The following USPL1 variants were observed in gnomAD, a reference collection of about 807,000 sequenced individuals.
USPL1 encodes the protein SUMO-specific isopeptidase USPL1.
In USPL1, 27 loss-of-function variants were observed where a neutral mutation model predicts 51.5. The observed-to-expected ratio is 0.52, with a 90% CI of 0.39 to 0.72. The LOEUF (loss-of-function observed/expected upper bound fraction) is 0.72. Ranked by LOEUF, USPL1 falls within the 30% of genes least tolerant of loss-of-function variation. The pLI is 0.00. For missense variants in USPL1, 1,226 were observed against 1,268.0 expected (o/e 0.97, Z 0.50); for synonymous variants, 451 against 459.6 (o/e 0.98, Z 0.24).
Position 30,658,025 on chromosome 13 carries a change from G to T in USPL1, c.1948G>T (p.Val650Leu). 6.2e-7 allele frequency: 1 copy of T among 1,613,168 alleles called. No homozygotes were observed. The highest frequency in any genetic ancestry group is 8.5e-7 in the Non-Finnish European group (1 of 1,179,916). The change falls in exon 9 of 9, where the codon GTG (valine) becomes TTG (leucine). Residue 650 changes from valine (V) to leucine (L), a missense_variant. Coordinates refer to ENST00000255304, the MANE Select transcript of USPL1 (RefSeq NM_005800.5). ...CNEKLIQDQF[V>L]DISFPSQVVN... ...TGAAAAGCTTATTCAAGACCAATTT[G>T]TGGACATAAGTTTTCCATCCCAAGT...
chr13:30,640,275 T>A (rs1055245418), intron 5 of USPL1, among the ~76,000 whole-genome samples: 1 of 152,196 alleles, frequency 6.6e-6, no homozygotes, highest in African/African-American at 2.4e-5. Context: ...GAATACGGAT[T>A]TAAAGGCTGA....
intron 3 of USPL1, among the ~76,000 whole-genome samples, chr13:30,627,591 G>A (rs1484482852): frequency 6.6e-6 from 1 of 151,434 alleles, no homozygotes; most frequent in Non-Finnish European, 1.5e-5. Flanking sequence ...AAGTAGAGGT[G>A]TAAGTAGGAT....
chr13:30,621,100 T>C lies in USPL1; in HGVS notation c.-41T>C. ...TTCATTGAAAAAATCCTTAGTGATA[T>C]TGACATGTCTCAAGTGACATAAATT... On this transcript the variant is annotated 5_prime_UTR_variant, in exon 2 of 9. Coordinates refer to ENST00000255304, the MANE Select transcript of USPL1 (RefSeq NM_005800.5). 1.3e-6 allele frequency: 2 copies of C among 1,525,456 alleles called. No individual in the cohort carries two copies. Among genetic ancestry groups the C allele is most frequent in the Non-Finnish European group, 1.8e-6 (2 of 1,116,280 alleles). The allele number at this position is 1,525,456 out of a possible 1,614,324, so 94.5% of individuals were successfully genotyped here. A position where few individuals can be genotyped will look rare whatever the true frequency, so the allele number is the denominator to read the frequency against.
In USPL1 at chr13:30,658,289, A is replaced by G. The variant is rs1951197037; in HGVS notation, c.2212A>G (p.Thr738Ala). The change falls in exon 9 of 9, where the codon ACA becomes GCA. Residue 738 changes from threonine to alanine, a missense_variant. Thr to Ala is a moderately conservative substitution (Grantham distance 58, BLOSUM62 0). Transcript: ENST00000255304. ...AACTACAGCAGATTCTCAAACCACA[A>G]CATCTAAGTCATTACAGAATCAGTC... ...KETTADSQTT[T>A]SKSLQNQSLK... is the part of the protein sequence containing the mutation. 6.2e-7 allele frequency: 1 copy of G among 1,613,924 alleles called. No individual in the cohort carries two copies. Among genetic ancestry groups the G allele is most frequent in the South Asian group, 1.1e-5 (1 of 91,000 alleles).
intron 4 of USPL1, among the ~76,000 whole-genome samples, chr13:30,633,825 T>C (rs1950840036): frequency 6.7e-6 from 1 of 148,910 alleles, no homozygotes; most frequent in African/African-American, 2.5e-5. Context: ...TAAATGTGGC[T>C]CAACATGTTG....
intron 7 of USPL1, among the ~76,000 whole-genome samples, chr13:30,648,717 G>T (rs1951049736): frequency 6.6e-6 from 1 of 151,802 alleles, no homozygotes; most frequent in Admixed American, 6.6e-5. Flanking sequence ...TATCTTTTTT[G>T]CCCCTCACTA....
At chr13:30,640,527 T>C (rs1950932928) in intron 5 of USPL1, among the ~76,000 whole-genome samples, 1 of 152,004 alleles carries the variant, frequency 6.6e-6, no homozygotes. Context: ...CTGTCTCTAC[T>C]AAAAATACAA....
chr13:30,623,580 T>C (rs572335400), intron 3 of USPL1, among the ~76,000 whole-genome samples: 14 of 150,784 alleles, frequency 9.3e-5, no homozygotes, highest in African/African-American at 3.4e-4. Context: ...ATTTCCTGAA[T>C]GATAAGAGTG....
intron 6 of USPL1, among the ~76,000 whole-genome samples, chr13:30,646,047 C>CT (rs1951013738): frequency 6.6e-6 from 1 of 152,148 alleles, no homozygotes; most frequent in Non-Finnish European, 1.5e-5. Flanking sequence ...TTGTTGATAT[C>CT]TTTATGTTGC....
Position 30,631,002 on chromosome 13 carries a change from C to A in USPL1, c.396C>A (p.Asp132Glu). 1.9e-6 allele frequency: 3 copies of A among 1,613,962 alleles called. No individual in the cohort carries two copies. Among genetic ancestry groups the A allele is most frequent in the Non-Finnish European group, 2.5e-6 (3 of 1,180,018 alleles). The stretch of plus-strand genomic sequence containing the variant: ...AGACTAGAAATTATATTGCTATTGA[C>A]GGTGGAAAAGTTTTGAACAGCAAAC... ...SKKTRNYIAI[D>E]GGKVLNSKHN... The change falls in exon 4 of 9, where the codon GAC (aspartate) becomes GAA (glutamate). Residue 132 changes from aspartate (D) to glutamate (E), a missense_variant. Asp to Glu is a conservative substitution (Grantham distance 45, BLOSUM62 2). Transcript: ENST00000255304.
chr13:30,658,241 G>T lies in USPL1; in HGVS notation c.2164G>T (p.Val722Leu). ...QLKPERVTSQVSNLKKKETTA... is the reference protein window; with the variant it reads ...QLKPERVTSQLSNLKKKETTA... ...AAAACCAGAACGTGTCACATCTCAG[G>T]TATCTAATTTGAAGAAAAAAGAAAC... Residue 722 changes from valine (V) to leucine (L), a missense_variant, in exon 9 of 9, where the codon GTA becomes TTA. Transcript: ENST00000255304. 6.2e-7 allele frequency: 1 copy of T among 1,612,414 alleles called. No homozygotes were observed.
chr13:30,648,583 T>C (rs6490474), intron 7 of USPL1, among the ~76,000 whole-genome samples: 82,186 of 152,078 alleles, frequency 0.54, 25,137 homozygotes, highest in African/African-American at 0.84. Context: ...ATGCACTCCG[T>C]AGTACTCATG....
chr13:30,655,266 T>C (rs1951146626), intron 8 of USPL1, among the ~76,000 whole-genome samples: 1 of 152,154 alleles, frequency 6.6e-6, no homozygotes, highest in Non-Finnish European at 1.5e-5. Flanking sequence ...ATATTTTAAT[T>C]TGGTCTGTAA....
chr13:30,660,689 G>C lies in USPL1; in HGVS notation c.*1333G>C, dbSNP rs1281308861. On this transcript the variant is annotated 3_prime_UTR_variant, in exon 9 of 9. Transcript: ENST00000255304. ...CTCCTTTATCTCTCCATACAGAGGA[G>C]GGCAAGAAACCTTGTTACTTGAACT... is the stretch of plus-strand genomic sequence containing the variant. The C allele has an allele frequency of 6.6e-6, 1 of 152,186 alleles. No homozygotes were observed. The highest frequency in any genetic ancestry group is 2.4e-5 in the African/African-American group (1 of 41,432). 9.4% of individuals were successfully genotyped at this position (152,186 alleles called of 1,614,324 possible). A position where few individuals can be genotyped will look rare whatever the true frequency, so the allele number is the denominator to read the frequency against.
chr13:30,652,080 A>C (rs1951099177), intron 7 of USPL1, among the ~76,000 whole-genome samples: 2 of 152,264 alleles, frequency 1.3e-5, no homozygotes, highest in South Asian at 4.1e-4. Flanking sequence ...AACCTGTCTG[A>C]AATGGTAATA....
At chr13:30,643,888 G>A (rs541777970) in intron 6 of USPL1, among the ~76,000 whole-genome samples, 6 of 151,942 alleles carry the variant, frequency 3.9e-5, no homozygotes, top group Middle Eastern at 3.4e-3. Flanking sequence ...GGGATTACAG[G>A]TGTGAGCCAC....
intron 3 of USPL1, among the ~76,000 whole-genome samples, chr13:30,626,795 T>G (rs188998901): frequency 6.6e-6 from 1 of 152,082 alleles, no homozygotes. Context: ...GTTTTAACTT[T>G]TTTTTTTTCG....
chr13:30,648,478 G>C (rs943974196), intron 7 of USPL1, among the ~76,000 whole-genome samples: 3 of 151,992 alleles, frequency 2.0e-5, no homozygotes, highest in African/African-American at 4.8e-5. Context: ...TTAGCCCAAG[G>C]CCTCATCCCC....
intron 8 of USPL1, among the ~76,000 whole-genome samples, chr13:30,654,941 T>C (rs1393002636): frequency 6.6e-6 from 1 of 152,036 alleles, no homozygotes; most frequent in East Asian, 1.9e-4. Flanking sequence ...ATCATATATA[T>C]ATGTTTTTTT....
Sources: allele counts gnomAD v4.1 joint callset (sites outside exome capture counted in the v4.1 genomes callset), GRCh38; gene constraint gnomAD v4.1.1; transcripts MANE v1.5; gene names NCBI Gene and HGNC (gene_info 2026-07-23, HGNC 2026-07-21).